MTUS2: variants seen among roughly 807,000 people sequenced by gnomAD.
MTUS2 encodes microtubule-associated tumor suppressor candidate 2.
A neutral mutation model predicts 114.1 loss-of-function variants in MTUS2; 40 were observed. That is an observed-to-expected ratio of 0.35 (90% confidence interval 0.27 to 0.46). The LOEUF (loss-of-function observed/expected upper bound fraction) is 0.46. Among genes scored for constraint, MTUS2 ranks in the 20% least tolerant of loss-of-function variants. The probability of loss-of-function intolerance (pLI) is 1.00; values close to 1 mark genes in which losing one functional copy is unlikely to be tolerated. For synonymous variants in MTUS2, 688 were observed against 672.0 expected, an observed-to-expected ratio of 1.02 and a Z score of -0.37; for missense variants, 1,679 against 1,705.4, an observed-to-expected ratio of 0.98 and a Z score of 0.27.
intron 4 of MTUS2, among the ~76,000 whole-genome samples, chr13:29,077,607 T>C (rs1406875758): frequency 2.6e-5 from 4 of 152,196 alleles, no homozygotes; most frequent in Admixed American, 2.6e-4. Flanking sequence ...TATCTTAGGC[T>C]GTGGTTATCA....
intron 2 of MTUS2, among the ~76,000 whole-genome samples, chr13:28,919,902 T>G (rs894206298): frequency 2.6e-5 from 4 of 152,238 alleles, no homozygotes; most frequent in Admixed American, 2.6e-4. Flanking sequence ...CTCTAGAATT[T>G]CAGCTTTGTT....
At chr13:28,900,123 A>G (rs1289868136) in intron 2 of MTUS2, among the ~76,000 whole-genome samples, 3 of 151,906 alleles carry the variant, frequency 2.0e-5, no homozygotes, top group Non-Finnish European at 2.9e-5. Context: ...CCTAACCTCA[A>G]GTGATTTGCT....
In MTUS2 at chr13:29,503,218, G is replaced by GGCC; in HGVS notation, c.*13_*15dup. On this transcript the variant is annotated 3_prime_UTR_variant, in exon 16 of 16. Coordinates refer to ENST00000612955, the MANE Select transcript of MTUS2 (RefSeq NM_001033602.4). Reference sequence around the variant, plus strand: ...CAACACCCAGATGACGCCACTACACGGCCTGCGGGAGCTCCGGCTTCTCGT... The same window carrying GGCC: ...CAACACCCAGATGACGCCACTACACGGCCGCCTGCGGGAGCTCCGGCTTCTCGT... The GGCC allele has an allele frequency of 6.2e-7, 1 of 1,612,530 alleles. No individual in the cohort carries two copies. Among genetic ancestry groups the GGCC allele is most frequent in the Non-Finnish European group, 8.5e-7 (1 of 1,179,866 alleles).
intron 2 of MTUS2, among the ~76,000 whole-genome samples, chr13:28,968,033 C>G (rs1185595273): frequency 1.3e-5 from 2 of 152,148 alleles, no homozygotes; most frequent in Non-Finnish European, 2.9e-5. Context: ...CATGATGTCA[C>G]CATTCAGAGA....
intron 5 of MTUS2, among the ~76,000 whole-genome samples, chr13:29,195,048 G>C (rs1894623085): frequency 7.0e-6 from 1 of 143,798 alleles, no homozygotes. Context: ...TGAACAATGA[G>C]AACACATGGA....
chr13:29,204,824 C>A (rs546781931), intron 5 of MTUS2, among the ~76,000 whole-genome samples: 17 of 152,228 alleles, frequency 1.1e-4, no homozygotes, highest in Admixed American at 1.1e-3. Flanking sequence ...ACACTAAAAG[C>A]GCGCAAAGCA....
At chr13:29,337,786 T>TTG (rs1202631196) in intron 7 of MTUS2, among the ~76,000 whole-genome samples, 1 of 138,556 alleles carries the variant, frequency 7.2e-6, no homozygotes, top group African/African-American at 3.0e-5. Context: ...TTTGTTTGTT[T>TTG]GTTTTGGTTT....
At chr13:29,409,264 T>A (rs1427044840) in intron 8 of MTUS2, among the ~76,000 whole-genome samples, 1 of 152,030 alleles carries the variant, frequency 6.6e-6, no homozygotes, top group Non-Finnish European at 1.5e-5. Flanking sequence ...TGCAGTGAGC[T>A]GAGATTGCGC....
At chr13:28,985,016 C>A (rs1242382286) in intron 2 of MTUS2, among the ~76,000 whole-genome samples, 1 of 152,150 alleles carries the variant, frequency 6.6e-6, no homozygotes, top group African/African-American at 2.4e-5. Context: ...ACAGAATAAA[C>A]CCAGATTAGC....
intron 7 of MTUS2, among the ~76,000 whole-genome samples, chr13:29,326,821 A>G (rs547987623): frequency 6.6e-6 from 1 of 152,060 alleles, no homozygotes; most frequent in South Asian, 2.1e-4. Flanking sequence ...TCTCTGCTAA[A>G]ATACAAAAAT....
chr13:29,410,170 G>C (rs1185699224), intron 8 of MTUS2, among the ~76,000 whole-genome samples: 1 of 151,200 alleles, frequency 6.6e-6, no homozygotes, highest in Non-Finnish European at 1.5e-5. Context: ...TGTTGCCCAA[G>C]CTGGAGTGCA....
At chr13:28,859,688 G>A (rs530436090) in intron 2 of MTUS2, among the ~76,000 whole-genome samples, 1 of 152,306 alleles carries the variant, frequency 6.6e-6, no homozygotes, top group African/African-American at 2.4e-5. Flanking sequence ...TGATGGGGTA[G>A]ACCATCCTGT....
chr13:29,338,411 AC>A (rs1901195513), intron 7 of MTUS2, among the ~76,000 whole-genome samples: 1 of 148,086 alleles, frequency 6.8e-6, no homozygotes, highest in South Asian at 2.3e-4. Flanking sequence ...ACATGGTGAA[AC>A]CCAGTCTCTA....
intron 2 of MTUS2, among the ~76,000 whole-genome samples, chr13:28,913,848 GGT>G (rs1422454258): frequency 6.6e-6 from 1 of 151,818 alleles, no homozygotes; most frequent in Admixed American, 6.6e-5. Context: ...GTCTTGTGAG[GGT>G]GTGTGTGTCT....
intron 8 of MTUS2, among the ~76,000 whole-genome samples, chr13:29,426,866 C>T (rs767494309): frequency 1.3e-5 from 2 of 152,206 alleles, no homozygotes; most frequent in Non-Finnish European, 2.9e-5. Flanking sequence ...GTTGCTTCCA[C>T]GTTTTGGCTA....
At chr13:29,254,792 T>G (rs1897241590) in intron 5 of MTUS2, among the ~76,000 whole-genome samples, 1 of 152,330 alleles carries the variant, frequency 6.6e-6, no homozygotes, top group Non-Finnish European at 1.5e-5. Flanking sequence ...TCTGATTACA[T>G]CCACCTCACC....
intron 4 of MTUS2, among the ~76,000 whole-genome samples, chr13:29,087,048 A>G (rs1889723256): frequency 6.6e-6 from 1 of 152,156 alleles, no homozygotes; most frequent in Non-Finnish European, 1.5e-5. Context: ...TCATCAGTGA[A>G]GTGGGATAAT....
At chr13:29,416,214 C>T (rs1875654519) in intron 8 of MTUS2, among the ~76,000 whole-genome samples, 4 of 151,610 alleles carry the variant, frequency 2.6e-5, no homozygotes, top group Admixed American at 2.6e-4. Flanking sequence ...CAGGTGTGAG[C>T]CACCATGCCT....
chr13:28,905,540 A>G (rs2137981022), intron 2 of MTUS2, among the ~76,000 whole-genome samples: 1 of 151,578 alleles, frequency 6.6e-6, no homozygotes, highest in African/African-American at 2.4e-5. Flanking sequence ...GGTTCTGTTT[A>G]TATGCTGGAT....
Sources: allele counts gnomAD v4.1 joint callset (sites outside exome capture counted in the v4.1 genomes callset), GRCh38; gene constraint gnomAD v4.1.1; transcripts MANE v1.5; gene names NCBI Gene and HGNC (gene_info 2026-07-23, HGNC 2026-07-21).